Variants in DPP6 observed in about 807,000 individuals in gnomAD.
DPP6 encodes the protein A-type potassium channel modulatory protein DPP6.
A neutral mutation model predicts 122.6 loss-of-function variants in DPP6; 69 were observed. That is an observed-to-expected ratio of 0.56 (90% CI 0.46 to 0.69). The LOEUF (loss-of-function observed/expected upper bound fraction) is 0.69. Among genes scored for constraint, DPP6 ranks in the 30% least tolerant of loss-of-function variants. DPP6 has a pLI of 0.00. For synonymous variants in DPP6, 418 were observed against 433.1 expected, an observed-to-expected ratio of 0.97 and a Z score of 0.43; for missense variants, 928 against 1,116.9, an observed-to-expected ratio of 0.83 and a Z score of 2.41.
At chr7:154,334,721 C>T (rs2151045887) in intron 1 of DPP6, among the ~76,000 whole-genome samples, 1 of 152,242 alleles carries the variant, frequency 6.6e-6, no homozygotes, top group East Asian at 1.9e-4. Flanking sequence ...CATAGTGAAA[C>T]CCCATCTCTA....
At chr7:154,250,451 A>G (rs897273929) in intron 1 of DPP6, among the ~76,000 whole-genome samples, 2 of 151,758 alleles carry the variant, frequency 1.3e-5, no homozygotes, top group African/African-American at 4.8e-5. Flanking sequence ...CATTGCCCAG[A>G]GAGTTTATCT....
chr7:154,309,060 C>T (rs770029708), intron 1 of DPP6, among the ~76,000 whole-genome samples: 1 of 152,162 alleles, frequency 6.6e-6, no homozygotes, highest in Non-Finnish European at 1.5e-5. Context: ...ACTCGTTGGT[C>T]CTAGTTCATG....
chr7:154,465,325 A>C (rs2151326011), intron 2 of DPP6, among the ~76,000 whole-genome samples: 1 of 152,346 alleles, frequency 6.6e-6, no homozygotes, highest in South Asian at 2.1e-4. Context: ...TGATTTAGAA[A>C]ACAGAAATGC....
the DPP6 span, among the ~76,000 whole-genome samples, chr7:153,859,071 G>A: frequency 1.9e-4 from 29 of 152,270 alleles, no homozygotes; most frequent in Middle Eastern, 3.4e-3. Flanking sequence ...ATGAGAATAA[G>A]CTCATAGAAT....
In DPP6 at chr7:154,879,603, A is replaced by C. The variant is rs866050907; in HGVS notation, c.2079-1285A>C. Among the ~76,000 whole-genome samples, 12 of 92,108 alleles carry C rather than the reference A, an allele frequency of 1.3e-4. 2 individuals are homozygous for C. The highest frequency in any genetic ancestry group is 2.2e-4 in the African/African-American group (4 of 18,474). 60.4% of individuals were successfully genotyped at this position (92,108 alleles called of 152,430 possible). ...GACTCCGTCTCAAAAAAAAAAAAAA[A>C]AAAAAAACACAAAAATCAGCCAGGT... On this transcript the variant is annotated intron_variant, in intron 20 of 25. Coordinates refer to ENST00000377770, the MANE Select transcript of DPP6 (RefSeq NM_130797.4).
chr7:154,766,173 A>G (rs1186684979), intron 8 of DPP6, among the ~76,000 whole-genome samples: 2 of 152,164 alleles, frequency 1.3e-5, no homozygotes, highest in East Asian at 3.9e-4. Context: ...TACGGCTGGC[A>G]TTTTGGCGTG....
At chr7:154,815,126 C>T (rs1238727281) in intron 16 of DPP6, among the ~76,000 whole-genome samples, 5 of 152,068 alleles carry the variant, frequency 3.3e-5, no homozygotes, top group Non-Finnish European at 7.4e-5. Flanking sequence ...CTCAGGAACA[C>T]AAAATTAAGG....
upstream of DPP6, among the ~76,000 whole-genome samples, chr7:154,049,916 C>T (rs1330386828): frequency 6.6e-6 from 1 of 152,120 alleles, no homozygotes; most frequent in Non-Finnish European, 1.5e-5. Context: ...CTAGAAGCAC[C>T]GCGTTCAGTG....
intron 1 of DPP6, among the ~76,000 whole-genome samples, chr7:153,960,667 G>A (rs1483347140): frequency 4.4e-5 from 4 of 90,414 alleles, no homozygotes; most frequent in African/African-American, 1.5e-4. Flanking sequence ...GTGTGTGCGG[G>A]TGTGTATGTG....
At chr7:154,024,149 G>A (rs1050064618) in intron 1 of DPP6, among the ~76,000 whole-genome samples, 1 of 152,132 alleles carries the variant, frequency 6.6e-6, no homozygotes, top group African/African-American at 2.4e-5. Context: ...GGAATTATGG[G>A]AGCAAATACA....
intron 7 of DPP6, among the ~76,000 whole-genome samples, chr7:154,704,214 A>G (rs1248946043): frequency 1.3e-5 from 2 of 152,230 alleles, no homozygotes; most frequent in Non-Finnish European, 2.9e-5. Flanking sequence ...GATAACTAGA[A>G]TTAGAAGTAG....
At chr7:154,215,653 C>T (rs1002454198) in intron 1 of DPP6, among the ~76,000 whole-genome samples, 1 of 152,148 alleles carries the variant, frequency 6.6e-6, no homozygotes, top group Non-Finnish European at 1.5e-5. Flanking sequence ...GTGTCTGGAA[C>T]AGCATCTGGG....
intron 1 of DPP6, among the ~76,000 whole-genome samples, chr7:154,270,556 A>G (rs948344034): frequency 2.6e-5 from 4 of 152,140 alleles, no homozygotes; most frequent in Non-Finnish European, 5.9e-5. Context: ...GAGGATGCTC[A>G]GGTCTAAGGC....
At chr7:154,195,720 C>T (rs1466441478) in intron 1 of DPP6, among the ~76,000 whole-genome samples, 2 of 152,194 alleles carry the variant, frequency 1.3e-5, no homozygotes, top group African/African-American at 2.4e-5. Context: ...AATTCATTGT[C>T]CACGTTGGTG....
At chr7:153,776,250 C>A in the DPP6 span, among the ~76,000 whole-genome samples, 2,853 of 152,244 alleles carry the variant, frequency 0.019, 34 homozygotes, top group African/African-American at 0.036. Flanking sequence ...CAAATCTCAT[C>A]TTGAATTGTA....
chr7:153,843,060 A>C, the DPP6 span, among the ~76,000 whole-genome samples: 1 of 149,296 alleles, frequency 6.7e-6, no homozygotes, highest in Non-Finnish European at 1.5e-5. Flanking sequence ...GAGTGCATAC[A>C]CGAGTGCATA....
intron 3 of DPP6, among the ~76,000 whole-genome samples, chr7:154,502,400 C>G (rs902126047): frequency 3.3e-5 from 5 of 152,228 alleles, no homozygotes; most frequent in Middle Eastern, 3.4e-3. Flanking sequence ...AATTGTAATT[C>G]CCACAATCCC....
At chr7:154,165,588 T>C (rs1381660621) in intron 1 of DPP6, among the ~76,000 whole-genome samples, 2 of 151,654 alleles carry the variant, frequency 1.3e-5, no homozygotes, top group East Asian at 3.9e-4. Flanking sequence ...CCACACTGAC[T>C]TCCACAATGG....
At chr7:154,563,699 A>G (rs528734050) in intron 4 of DPP6, among the ~76,000 whole-genome samples, 1 of 152,278 alleles carries the variant, frequency 6.6e-6, no homozygotes, top group South Asian at 2.1e-4. Context: ...ATCTGAGAAG[A>G]GGAAAAAGGT....
Sources: allele counts gnomAD v4.1 joint callset (sites outside exome capture counted in the v4.1 genomes callset), GRCh38; gene constraint gnomAD v4.1.1; transcripts MANE v1.5; gene names NCBI Gene and HGNC (gene_info 2026-07-23, HGNC 2026-07-21).